The following ZNF683 variants were observed in gnomAD, a reference collection of about 807,000 sequenced individuals.
ZNF683 encodes tissue-resident T-cell transcription regulator protein ZNF683.
ZNF683 carries 20 observed loss-of-function variants against 31.4 expected under a neutral mutation model. The observed-to-expected ratio is 0.64, with a 90% CI of 0.45 to 0.93. The LOEUF (loss-of-function observed/expected upper bound fraction) is 0.93, where lower values mean the gene tolerates loss of function less well. ZNF683 is among the 40% of genes least tolerant of loss of function. The probability of loss-of-function intolerance (pLI) is 0.00; values close to 1 mark genes in which losing one functional copy is unlikely to be tolerated. For synonymous variants in ZNF683, 264 were observed against 267.6 expected (o/e 0.99, Z 0.13); for missense variants, 621 against 637.2 (o/e 0.97, Z 0.27).
intron 1 of ZNF683, among the ~76,000 whole-genome samples, chr1:26,368,999 C>G (rs2074599267): frequency 6.6e-6 from 1 of 151,958 alleles, no homozygotes; most frequent in African/African-American, 2.4e-5. Context: ...AATCCCAGCA[C>G]TTTGGGAGTC....
chr1:26,368,371 C>T (rs2074580807), intron 2 of ZNF683, 87 bp downstream of exon 2: 1 of 1,422,520 alleles, frequency 7.0e-7, no homozygotes, highest in South Asian at 1.6e-5. Context: ...GATCTAGGTC[C>T]CTTCAGACGT....
intron 4 of ZNF683, among the ~76,000 whole-genome samples, chr1:26,363,737 GAAAA>G (rs61027154): frequency 0.075 from 10,157 of 134,830 alleles, 440 homozygotes; most frequent in Non-Finnish European, 0.094. Context: ...ACTCCATATG[GAAAA>G]AAAAAAAAAA....
intron 4 of ZNF683, 65 bp downstream of exon 4, chr1:26,364,467 G>C (rs1001252855): frequency 6.3e-7 from 1 of 1,578,722 alleles, no homozygotes; most frequent in African/African-American, 1.3e-5. Context: ...TCTAGAAGCA[G>C]ACTCGGGTGC....
chr1:26,364,401 G>A, intron 4 of ZNF683, 131 bp downstream of exon 4: 1 of 988,910 alleles, frequency 1.0e-6, no homozygotes, highest in Non-Finnish European at 1.5e-6. Context: ...AACCATCCAA[G>A]GTCACTTGGC....
Position 26,365,096 on chromosome 1 carries a change from G to A in ZNF683, c.450C>T (p.Phe150=). 1.2e-6 allele frequency: 2 copies of A among 1,607,474 alleles called. No individual in the cohort carries two copies. Among genetic ancestry groups the A allele is most frequent in the Admixed American group, 1.7e-5 (1 of 58,602 alleles). The change falls in exon 4 of 6, where the codon TTC becomes TTT. Residue 150 remains phenylalanine (F), a synonymous_variant. Transcript: ENST00000349618. ...GTGGGGAAGAGCTGTTATGAGAGGA[G>A]AAGGCTGGGCAGGGGGCCCCCTCGC... is the stretch of plus-strand genomic sequence containing the variant. The part of the protein sequence containing the change: ...RAGEGAPCPA[F]SSHNSSSPPP...
intron 1 of ZNF683, chr1:26,370,663 G>A (rs1477875839): frequency 1.0e-6 from 1 of 985,758 alleles, no homozygotes; most frequent in East Asian, 1.1e-4. Context: ...CTGGCTGTGG[G>A]GCTCTCCACT....
chr1:26,368,504 C>T lies in ZNF683; in HGVS notation c.68G>A (p.Gly23Asp). The change falls in exon 2 of 6, where the codon GGC becomes GAC. Residue 23 changes from glycine to aspartate, a missense_variant. Physicochemically the swap from Gly to Asp is moderately conservative, Grantham distance 94. Transcript: ENST00000349618. Reference sequence around the variant, plus strand: ...GAAGTCCAGGCTGGGGGACAGGGAGCCCCCTGTACCTCCCAGGGCCATGGG... The same window carrying T: ...GAAGTCCAGGCTGGGGGACAGGGAGTCCCCTGTACCTCCCAGGGCCATGGG... ...HRPMALGGTG[G>D]SLSPSLDFQL... 1 of 1,602,590 alleles carries T rather than the reference C, an allele frequency of 6.2e-7. No homozygotes were observed. Among genetic ancestry groups the T allele is most frequent in the South Asian group, 1.1e-5 (1 of 88,810 alleles).
chr1:26,373,975 C>T (rs2074715398), upstream of ZNF683, among the ~76,000 whole-genome samples: 1 of 152,170 alleles, frequency 6.6e-6, no homozygotes, highest in African/African-American at 2.4e-5. Context: ...AAACCTCAGA[C>T]TCTGCCATCT....
chr1:26,372,408 G>C (rs538396707), intron 1 of ZNF683: 6 of 1,156,982 alleles, frequency 5.2e-6, no homozygotes, highest in South Asian at 3.9e-5. Flanking sequence ...GAGGCAAAAG[G>C]TACCTCCCAT....
In ZNF683 at chr1:26,364,579, C is replaced by T. The variant is rs376257713; in HGVS notation, c.967G>A (p.Glu323Lys). The change falls in exon 4 of 6, where the codon GAG (glutamate) becomes AAG (lysine). Residue 323 changes from glutamate (E) to lysine (K), a missense_variant. Transcript: ENST00000349618. ...LKKKNGKILY[E>K]CNICGKSFGQ... is the part of the protein sequence containing the mutation. ...AAGCTCTTGCCACATATGTTGCACT[C>T]GTACAGGATTTTGCCATTCTTCTTT... 14 of 1,613,876 alleles carry T rather than the reference C, an allele frequency of 8.7e-6. No homozygotes were observed. The highest frequency in any genetic ancestry group is 4.5e-5 in the East Asian group (2 of 44,900).
chr1:26,365,098 A>C lies in ZNF683; in HGVS notation c.448T>G (p.Phe150Val). 6.2e-7 allele frequency: 1 copy of C among 1,606,752 alleles called. No homozygotes were observed. Among genetic ancestry groups the C allele is most frequent in the African/African-American group, 1.3e-5 (1 of 74,868 alleles). Residue 150 changes from phenylalanine to valine, a missense_variant, in exon 4 of 6, where the codon TTC becomes GTC. Transcript: ENST00000349618. ...GGGGAAGAGCTGTTATGAGAGGAGAAGGCTGGGCAGGGGGCCCCCTCGCCA... is the reference window on the plus strand; with the variant it reads ...GGGGAAGAGCTGTTATGAGAGGAGACGGCTGGGCAGGGGGCCCCCTCGCCA... The part of the protein sequence containing the change: ...RAGEGAPCPA[F>V]SSHNSSSPPP...
upstream of ZNF683, among the ~76,000 whole-genome samples, chr1:26,373,736 T>C (rs2074712025): frequency 6.6e-6 from 1 of 152,232 alleles, no homozygotes; most frequent in African/African-American, 2.4e-5. Context: ...AATTCTGCAT[T>C]ATACATGCCC....
At chr1:26,367,445 A>G (rs2124170526) in intron 3 of ZNF683, 148 bp downstream of exon 3, 1 of 932,446 alleles carries the variant, frequency 1.1e-6, no homozygotes, top group South Asian at 2.0e-5. Context: ...CCAGAACTCC[A>G]AGGCCAAAAT....
chr1:26,364,770 G>A lies in ZNF683; in HGVS notation c.776C>T (p.Ala259Val), dbSNP rs143959455. Residue 259 changes from alanine to valine, a missense_variant, in exon 4 of 6, where the codon GCC becomes GTC. By Grantham distance (64) the Ala-to-Val change is moderately conservative. Coordinates refer to ENST00000349618, the MANE Select transcript of ZNF683 (RefSeq NM_001114759.3). ...RWETLLPYPG[A>V]FQASGQALPS... ...CAGAGCTTGGCCAGAGGCTTGGAAGGCCCCTGGGTAGGGAAGCAGGGTCTC... is the reference window on the plus strand; with the variant it reads ...CAGAGCTTGGCCAGAGGCTTGGAAGACCCCTGGGTAGGGAAGCAGGGTCTC... 1.5e-3 allele frequency: 2,362 copies of A among 1,610,706 alleles called. 38 individuals carry two copies. In the African/African-American group the frequency reaches 0.028, roughly 19 times the overall value.
chr1:26,362,777 G>C (rs539120675), intron 5 of ZNF683, among the ~76,000 whole-genome samples: 18 of 152,318 alleles, frequency 1.2e-4, no homozygotes, highest in Admixed American at 1.2e-3. Flanking sequence ...CAGGGAGGTA[G>C]ATAATGGGTA....
At chr1:26,367,031 G>A (rs936879796) in intron 3 of ZNF683, among the ~76,000 whole-genome samples, 2 of 152,136 alleles carry the variant, frequency 1.3e-5, no homozygotes, top group South Asian at 2.1e-4. Context: ...TTGGGTCACC[G>A]AGGCAGGTGG....
rs761734928 is a variant in ZNF683 at position 26,368,418 on chromosome 1, G to A, written c.114+40C>T. On this transcript the variant is annotated intron_variant, in intron 2 of 5. Transcript: ENST00000349618. ...CTCCTAATGTCACCTCCTACTATAA[G>A]CAGACTACCCACAAAGGTAAGGCTG... 2.0e-6 allele frequency: 3 copies of A among 1,511,110 alleles called. No individual in the cohort carries two copies. The South Asian group carries it at 4.0e-5, about 20-fold the overall frequency. The allele number at this position is 1,511,110 out of a possible 1,614,324, so 93.6% of individuals were successfully genotyped here.
chr1:26,371,548 T>C (rs2074669441), intron 1 of ZNF683, among the ~76,000 whole-genome samples: 1 of 150,988 alleles, frequency 6.6e-6, no homozygotes, highest in African/African-American at 2.4e-5. Flanking sequence ...TGCAGTGAAC[T>C]AGGATATTGC....
chr1:26,367,852 C>T (rs752171339), intron 2 of ZNF683, 55 bp from the exon 3 acceptor site: 10 of 1,384,176 alleles, frequency 7.2e-6, no homozygotes, highest in Non-Finnish European at 9.7e-6. Context: ...CCATGGGTCC[C>T]TTAGATGGCC....
Sources: allele counts gnomAD v4.1 joint callset (sites outside exome capture counted in the v4.1 genomes callset), GRCh38; gene constraint gnomAD v4.1.1; transcripts MANE v1.5; gene names NCBI Gene and HGNC (gene_info 2026-07-23, HGNC 2026-07-21).